Variants in TOM1L1 observed in about 807,000 individuals in gnomAD.
TOM1L1 encodes the protein target of myb1 like 1 membrane trafficking protein.
Under a neutral mutation model 63.4 loss-of-function variants are expected in TOM1L1, and 64 were observed. The ratio of observed to expected loss-of-function variants is 1.01; its 90% confidence interval spans 0.83 to 1.24. The LOEUF (loss-of-function observed/expected upper bound fraction) is 1.24, where lower values mean the gene tolerates loss of function less well. Among genes scored for constraint, TOM1L1 ranks in the 50% most tolerant of loss-of-function variants. The pLI is 0.00. For missense variants in TOM1L1, 536 were observed against 567.0 expected, an observed-to-expected ratio of 0.95 and a Z score of 0.55; for synonymous variants, 166 against 194.4, an observed-to-expected ratio of 0.85 and a Z score of 1.22.
chr17:54,937,799 A>G (rs939456421), intron 10 of TOM1L1: 2 of 150,964 alleles, frequency 1.3e-5, no homozygotes, highest in Non-Finnish European at 3.0e-5. Flanking sequence ...TTAACAAACT[A>G]ATGTTTATAA....
At chr17:54,960,184 G>A (rs183885969) in intron 14 of TOM1L1, among the ~76,000 whole-genome samples, 1 of 152,194 alleles carries the variant, frequency 6.6e-6, no homozygotes, top group African/African-American at 2.4e-5. Flanking sequence ...CCAACAGGGT[G>A]AAACCCTGTC....
chr17:54,915,677 T>C (rs1479447706), intron 6 of TOM1L1, 69 bp from the exon 7 acceptor site: 34 of 1,080,108 alleles, frequency 3.1e-5, no homozygotes, highest in Non-Finnish European at 4.2e-5. Flanking sequence ...AAATGTCCCA[T>C]GGGGGCAGGA....
intron 7 of TOM1L1, among the ~76,000 whole-genome samples, chr17:54,920,039 T>C (rs1484462075): frequency 6.6e-6 from 1 of 152,102 alleles, no homozygotes; most frequent in Non-Finnish European, 1.5e-5. Context: ...CCTCTAACCC[T>C]ATGTCATAAA....
chr17:54,928,100 A>G (rs1353803402), intron 7 of TOM1L1, among the ~76,000 whole-genome samples: 1 of 152,216 alleles, frequency 6.6e-6, no homozygotes, highest in East Asian at 1.9e-4. Context: ...GAACAAAGGA[A>G]AAGTTCTCAT....
At chr17:54,928,620 T>C (rs1286792957) in intron 7 of TOM1L1, among the ~76,000 whole-genome samples, 1 of 152,170 alleles carries the variant, frequency 6.6e-6, no homozygotes, top group Non-Finnish European at 1.5e-5. Flanking sequence ...GTGGCAGAGT[T>C]GAGCAGTTGC....
chr17:54,933,294 G>A (rs1266673533), intron 8 of TOM1L1, among the ~76,000 whole-genome samples: 4 of 152,062 alleles, frequency 2.6e-5, no homozygotes, highest in Admixed American at 1.3e-4. Flanking sequence ...TTCCACTTCT[G>A]CCTCTCTCTT....
chr17:54,932,905 T>C (rs2048886918), intron 8 of TOM1L1, among the ~76,000 whole-genome samples: 1 of 152,228 alleles, frequency 6.6e-6, no homozygotes, highest in South Asian at 2.1e-4. Flanking sequence ...AAAGGCTTCC[T>C]TCAAGGGGGA....
At chr17:54,915,910 A>T in intron 7 of TOM1L1, 48 bp downstream of exon 7, 2 of 1,451,266 alleles carry the variant, frequency 1.4e-6, no homozygotes, top group Non-Finnish European at 1.9e-6. Context: ...TCTTAAAGTT[A>T]TTCTCTAAAC....
Position 54,930,059 on chromosome 17 carries a change from C to A in TOM1L1, c.721-14C>A, listed in dbSNP as rs1258492725. On this transcript the variant is annotated splice_polypyrimidine_tract_variant and intron_variant, in intron 7 of 15. Transcript: ENST00000575882. ...CAAGTGTGGAAGAAGAAATCTCTCT[C>A]CTTTCTTTGACAGAAACTCTATAAA... 1.2e-6 allele frequency: 2 copies of A among 1,613,920 alleles called. No individual in the cohort carries two copies. The highest frequency in any genetic ancestry group is 1.7e-6 in the Non-Finnish European group (2 of 1,179,896).
intron 13 of TOM1L1, 36 bp from the exon 14 acceptor site, chr17:54,950,009 C>A: frequency 6.5e-7 from 1 of 1,543,676 alleles, no homozygotes; most frequent in Non-Finnish European, 8.9e-7. Flanking sequence ...CCTCAAAAAG[C>A]ACAATATGTT....
rs1354790278 is a variant in TOM1L1 at position 54,961,642 on chromosome 17, T to C, written c.*409T>C. 4 of 1,104,106 alleles carry C rather than the reference T, an allele frequency of 3.6e-6. No individual in the cohort carries two copies. The African/African-American group carries it at 6.6e-5, about 18-fold the overall frequency. 68.4% of individuals were successfully genotyped at this position (1,104,106 alleles called of 1,614,324 possible). On this transcript the variant is annotated 3_prime_UTR_variant, in exon 16 of 16. Coordinates refer to ENST00000575882, the MANE Select transcript of TOM1L1 (RefSeq NM_005486.3). ...ATAAAATGTGAGAAACTGAATGTAT[T>C]ATTCAGGAAGAATACTGAGTGCCTT...
At chr17:54,960,424 C>A in intron 14 of TOM1L1, 142 bp from the exon 15 acceptor site, 1 of 645,648 alleles carries the variant, frequency 1.5e-6, no homozygotes, top group Non-Finnish European at 2.8e-6. Context: ...ATACACACTT[C>A]AGGGCAGAGA....
intron 7 of TOM1L1, among the ~76,000 whole-genome samples, chr17:54,923,506 G>A (rs1409845232): frequency 1.3e-5 from 2 of 151,372 alleles, no homozygotes; most frequent in South Asian, 4.2e-4. Context: ...ATGAATTTGA[G>A]TGTCTGTATT....
intron 14 of TOM1L1, among the ~76,000 whole-genome samples, chr17:54,960,069 T>C (rs892446132): frequency 1.3e-5 from 2 of 152,082 alleles, no homozygotes; most frequent in African/African-American, 4.8e-5. Context: ...GACATAGGAA[T>C]TGCAACAATA....
intron 1 of TOM1L1, chr17:54,901,265 A>C: frequency 5.5e-6 from 2 of 366,392 alleles, no homozygotes; most frequent in Admixed American, 3.7e-5. Flanking sequence ...GTTATTCCTA[A>C]AGGCACATTC....
chr17:54,954,137 TTATCAGCACACATATTGTCTGCC>T (rs1400783583), intron 14 of TOM1L1: 2 of 152,190 alleles, frequency 1.3e-5, no homozygotes, highest in African/African-American at 4.8e-5. Context: ...GGTCACCAGG[TTATCAGCACACATATTGTCTGCC>T]TCCTCCTTAG....
In TOM1L1 at chr17:54,950,104, T is replaced by C. The variant is rs2049191542; in HGVS notation, c.1348T>C (p.Leu450=). ...CTACGAGGTAATGGAGTTTGATCCC[T>C]TAGCTCCTGCTGTCACTACAGAGTA... is the stretch of plus-strand genomic sequence containing the variant. The part of the protein sequence containing the change: ...NYYEVMEFDP[L]APAVTTEAIY... Residue 450 remains leucine, a synonymous_variant, in exon 14 of 16, where the codon TTA becomes CTA. Coordinates refer to ENST00000575882, the MANE Select transcript of TOM1L1 (RefSeq NM_005486.3). 1.9e-6 allele frequency: 3 copies of C among 1,613,560 alleles called. No individual in the cohort carries two copies. The East Asian group carries it at 6.7e-5, about 36-fold the overall frequency.
At chr17:54,912,876 ACCT>A (rs1307888960) in intron 4 of TOM1L1, 61 bp downstream of exon 4, 1 of 1,347,308 alleles carries the variant, frequency 7.4e-7, no homozygotes, top group African/African-American at 1.5e-5. Flanking sequence ...TTAATAGCTT[ACCT>A]CCTGATTGTT....
At chr17:54,925,345 C>T (rs1314967694) in intron 7 of TOM1L1, among the ~76,000 whole-genome samples, 1 of 152,194 alleles carries the variant, frequency 6.6e-6, no homozygotes, top group Non-Finnish European at 1.5e-5. Context: ...ATCCAGACCT[C>T]ATTCTCCTTC....
Sources: allele counts gnomAD v4.1 joint callset (sites outside exome capture counted in the v4.1 genomes callset), GRCh38; gene constraint gnomAD v4.1.1; transcripts MANE v1.5; gene names NCBI Gene and HGNC (gene_info 2026-07-23, HGNC 2026-07-21).